The following EBF2 variants were observed in gnomAD, a reference collection of about 807,000 sequenced individuals.
The protein encoded by EBF2 is EBF transcription factor 2.
Under a neutral mutation model 72.8 loss-of-function variants are expected in EBF2, and 21 were observed. The observed-to-expected ratio is 0.29, with a 90% CI of 0.20 to 0.42. The LOEUF is 0.42. EBF2 is among the 10% of genes least tolerant of loss of function. The pLI is 1.00. For synonymous variants in EBF2, 299 were observed against 274.2 expected (o/e 1.09, Z -0.89); for missense variants, 637 against 731.2 (o/e 0.87, Z 1.49).
chr8:25,883,273 C>A (rs913594098), intron 10 of EBF2, among the ~76,000 whole-genome samples: 6 of 152,170 alleles, frequency 3.9e-5, no homozygotes, highest in African/African-American at 1.2e-4. Flanking sequence ...TATTTCGCTT[C>A]AAAAATGTCA....
rs796902636 is a variant in EBF2, at chr8:25,972,887, TGA to T, written c.551+60196_551+60197del. Reference sequence around the variant, plus strand: ...CAGTTTGGCTTTTTTTTTTTTTTTTTGAAAATCACCTTTTTCATAAAGCACAT... The same window carrying T: ...CAGTTTGGCTTTTTTTTTTTTTTTTTAAATCACCTTTTTCATAAAGCACAT... On this transcript the variant is annotated intron_variant, in intron 6 of 15. Coordinates refer to ENST00000520164, the MANE Select transcript of EBF2 (RefSeq NM_022659.4). Among the ~76,000 whole-genome samples, 1,422 of 148,188 alleles carry T rather than the reference TGA, an allele frequency of 9.6e-3. 32 individuals carry two copies. The highest frequency in any genetic ancestry group is 0.031 in the African/African-American group (1,252 of 40,462).
chr8:25,849,570 G>A (rs1015730718), intron 15 of EBF2, among the ~76,000 whole-genome samples: 1 of 152,116 alleles, frequency 6.6e-6, no homozygotes, highest in Non-Finnish European at 1.5e-5. Flanking sequence ...TTCTTGTCAA[G>A]AACATGAGAG....
At chr8:25,851,155 A>G (rs1801961390) in intron 14 of EBF2, among the ~76,000 whole-genome samples, 1 of 151,706 alleles carries the variant, frequency 6.6e-6, no homozygotes, top group South Asian at 2.1e-4. Context: ...AGCAATGGAA[A>G]TCGCTTTCAC....
intron 6 of EBF2, among the ~76,000 whole-genome samples, chr8:26,010,417 CCA>C (rs921262418): frequency 1.1e-4 from 17 of 152,204 alleles, no homozygotes; most frequent in African/African-American, 3.9e-4. Flanking sequence ...TCACAGACAG[CCA>C]CAGACAGGAA....
chr8:25,935,959 C>T (rs1457434071), intron 6 of EBF2, among the ~76,000 whole-genome samples: 5 of 152,292 alleles, frequency 3.3e-5, no homozygotes, highest in South Asian at 2.1e-4. Flanking sequence ...CGTTCAAGTC[C>T]GCTCGGCTGT....
intron 14 of EBF2, 141 bp from the exon 15 acceptor site, chr8:25,850,902 A>T: frequency 2.3e-6 from 2 of 879,474 alleles, no homozygotes; most frequent in Non-Finnish European, 3.3e-6. Context: ...GTTGAATGTG[A>T]CAACATTCCC....
intron 6 of EBF2, among the ~76,000 whole-genome samples, chr8:25,987,127 T>G (rs1175426750): frequency 6.6e-6 from 1 of 152,134 alleles, no homozygotes; most frequent in Non-Finnish European, 1.5e-5. Context: ...GAGGTGAGGG[T>G]AAGGACAGAA....
chr8:25,982,663 C>A (rs1028528691), intron 6 of EBF2, among the ~76,000 whole-genome samples: 1 of 152,182 alleles, frequency 6.6e-6, no homozygotes, highest in African/African-American at 2.4e-5. Context: ...TGGCCCCTAA[C>A]CTTTTAAGAA....
intron 6 of EBF2, among the ~76,000 whole-genome samples, chr8:26,030,092 T>G (rs1239874287): frequency 6.6e-6 from 1 of 152,184 alleles, no homozygotes; most frequent in African/African-American, 2.4e-5. Context: ...TTTTAGTTTT[T>G]GTAGAGATGG....
Position 25,857,092 on chromosome 8 carries a change from C to T in EBF2, c.1528+1227G>A, listed in dbSNP as rs560723171. Reference sequence around the variant, plus strand: ...GTTTCTACCTACTATGGGGTAGAAACAAATCAAGCAATCATTTATTTCTCT... The same window carrying T: ...GTTTCTACCTACTATGGGGTAGAAATAAATCAAGCAATCATTTATTTCTCT... On this transcript the variant is annotated intron_variant, in intron 14 of 15. Transcript: ENST00000520164. 1.4e-4 allele frequency among the ~76,000 whole-genome samples: 22 copies of T among 152,164 alleles called. No individual in the cohort carries two copies. In the South Asian group the frequency reaches 1.9e-3, roughly 13 times the overall value.
chr8:25,899,245 T>C (rs1188702458), intron 7 of EBF2, among the ~76,000 whole-genome samples: 1 of 152,040 alleles, frequency 6.6e-6, no homozygotes, highest in Non-Finnish European at 1.5e-5. Flanking sequence ...ACAGTTTTTT[T>C]TTTTTTTTCT....
intron 10 of EBF2, 144 bp downstream of exon 10, chr8:25,886,611 A>T (rs1263103345): frequency 1.0e-6 from 1 of 977,270 alleles, no homozygotes; most frequent in Non-Finnish European, 1.4e-6. Flanking sequence ...TCACATCACC[A>T]TTCAACATCT....
Position 25,887,950 on chromosome 8 carries a change from A to G in EBF2, c.774T>C (p.Ile258=), listed in dbSNP as rs1437978363. 1.2e-6 allele frequency: 2 copies of G among 1,612,936 alleles called. No individual in the cohort carries two copies. Among genetic ancestry groups the G allele is most frequent in the Non-Finnish European group, 1.7e-6 (2 of 1,179,602 alleles). ...CTGTGGTCCAGCCTTCACTCGGGCT[A>G]ATGGCTTTGATGCAGGGGGTAGCTA... is the stretch of plus-strand genomic sequence containing the variant. ...PSEATPCIKA[I]SPSEGWTTGG... The change falls in exon 9 of 16, where the codon ATT becomes ATC. Residue 258 remains isoleucine (I), a synonymous_variant. Transcript: ENST00000520164.
intron 10 of EBF2, among the ~76,000 whole-genome samples, chr8:25,864,866 C>T (rs1802279341): frequency 6.6e-6 from 1 of 150,426 alleles, no homozygotes; most frequent in South Asian, 2.1e-4. Flanking sequence ...GGTGCAATCT[C>T]AGCTCACAGC....
At chr8:25,845,119 G>A (rs1028416773) in intron 15 of EBF2, among the ~76,000 whole-genome samples, 1 of 151,974 alleles carries the variant, frequency 6.6e-6, no homozygotes, top group Non-Finnish European at 1.5e-5. Flanking sequence ...CTTCTTTGGT[G>A]AGTGCATTTT....
At chr8:26,042,399 A>T in intron 1 of EBF2, 148 bp from the exon 2 acceptor site, 1 of 1,057,034 alleles carries the variant, frequency 9.5e-7, no homozygotes, top group East Asian at 2.7e-5. Context: ...TCCAATTCGG[A>T]TAAGGAAGAG....
At chr8:25,863,706 T>C (rs1486744736) in intron 10 of EBF2, among the ~76,000 whole-genome samples, 1 of 152,164 alleles carries the variant, frequency 6.6e-6, no homozygotes, top group Non-Finnish European at 1.5e-5. Context: ...TTTATATATA[T>C]GTTGCTATTA....
chr8:25,927,195 G>T (rs1191903051), intron 6 of EBF2, among the ~76,000 whole-genome samples: 1 of 151,992 alleles, frequency 6.6e-6, no homozygotes, highest in African/African-American at 2.4e-5. Flanking sequence ...CTCAAAACTG[G>T]AGCATTGACT....
At chr8:25,965,798 G>A (rs1315000646) in intron 6 of EBF2, among the ~76,000 whole-genome samples, 1 of 152,238 alleles carries the variant, frequency 6.6e-6, no homozygotes, top group Non-Finnish European at 1.5e-5. Flanking sequence ...CTCCCACAGT[G>A]AAAGATGGGG....
Sources: allele counts gnomAD v4.1 joint callset (sites outside exome capture counted in the v4.1 genomes callset), GRCh38; gene constraint gnomAD v4.1.1; transcripts MANE v1.5; gene names NCBI Gene and HGNC (gene_info 2026-07-23, HGNC 2026-07-21).